Variants in ANKRD36C observed in about 807,000 individuals in gnomAD.
The protein encoded by ANKRD36C is ankyrin repeat domain 36C.
A neutral mutation model predicts 276.4 loss-of-function variants in ANKRD36C; 61 were observed. The observed-to-expected ratio is 0.22, with a 90% CI of 0.18 to 0.27. The LOEUF is 0.27. Ranked by LOEUF, ANKRD36C falls within the 10% of genes least tolerant of loss-of-function variation. The probability of loss-of-function intolerance (pLI) is 1.00; values close to 1 mark genes in which losing one functional copy is unlikely to be tolerated. For missense variants in ANKRD36C, 1,447 were observed against 2,032.3 expected, an observed-to-expected ratio of 0.71 and a Z score of 5.54; for synonymous variants, 483 against 680.1, an observed-to-expected ratio of 0.71 and a Z score of 4.51.
chr2:95,964,395 G>A (rs1211556441), intron 6 of ANKRD36C, among the ~76,000 whole-genome samples: 1 of 151,712 alleles, frequency 6.6e-6, no homozygotes, highest in African/African-American at 2.4e-5. Context: ...TGCTTTCTTT[G>A]TTCTGCCCAA....
At chr2:95,902,842 T>C (rs1676695872) in intron 42 of ANKRD36C, 44 bp downstream of exon 54, 8 of 1,519,652 alleles carry the variant, frequency 5.3e-6, no homozygotes, top group Non-Finnish European at 7.1e-6. Flanking sequence ...GAATTTCTTA[T>C]CTATCTGGAC....
At chr2:95,948,180 G>A in intron 17 of ANKRD36C, among the ~76,000 whole-genome samples, 1 of 152,140 alleles carries the variant, frequency 6.6e-6, no homozygotes, top group East Asian at 1.9e-4. Context: ...ATACTCATAT[G>A]ATATACAACT....
chr2:95,973,637 G>A (rs1283446253), intron 6 of ANKRD36C, among the ~76,000 whole-genome samples: 10 of 150,816 alleles, frequency 6.6e-5, no homozygotes, highest in Non-Finnish European at 8.9e-5. Flanking sequence ...AGAACAGGTC[G>A]AAAAGTCAAA....
chr2:95,975,045 GTCTA>G (rs1678779870), intron 6 of ANKRD36C, among the ~76,000 whole-genome samples: 1 of 151,808 alleles, frequency 6.6e-6, no homozygotes, highest in South Asian at 2.1e-4. Flanking sequence ...TCTTAATCCA[GTCTA>G]TCAGTGTTGG....
intron 59 of ANKRD36C, among the ~76,000 whole-genome samples, chr2:95,868,375 C>T (rs1675726466): frequency 1.3e-5 from 2 of 151,562 alleles, no homozygotes; most frequent in South Asian, 4.2e-4. Context: ...TAAATTGAGG[C>T]ATATGTCCGA....
intron 60 of ANKRD36C, among the ~76,000 whole-genome samples, chr2:95,860,904 G>A (rs567007976): frequency 2.5e-3 from 379 of 152,192 alleles, no homozygotes; most frequent in African/African-American, 8.8e-3. Flanking sequence ...AATGAAAAGT[G>A]CTTGTGTGCT....
At position 95,925,360 on chromosome 2, in the gene ANKRD36C, G is replaced by T. The variant is rs756106065; in HGVS notation, c.2033C>A (p.Ser678Tyr). ...GTGTATTGCCAAATTACCTGTTCCA[G>T]ATTTCCCACCGCCCGTTATTCTTGT... Residue 678 changes from serine to tyrosine, a missense_variant, in exon 30 of 67, where the codon TCT becomes TAT. By Grantham distance (144) the Ser-to-Tyr change is moderately radical. Coordinates refer to ENST00000456556, the Ensembl canonical transcript of ANKRD36C. 65 of 1,578,656 alleles carry T rather than the reference G, an allele frequency of 4.1e-5. 3 individuals carry two copies. The South Asian group carries it at 7.4e-4, about 18-fold the overall frequency.
intron 4 of ANKRD36C, 116 bp downstream of exon 4, chr2:95,982,140 C>A (rs1192610817): frequency 2.6e-6 from 2 of 760,936 alleles, no homozygotes; most frequent in Non-Finnish European, 4.2e-6. Flanking sequence ...TCACTATATC[C>A]CAATAATTAA....
At chr2:95,937,332 A>G (rs1677746246) in intron 22 of ANKRD36C, among the ~76,000 whole-genome samples, 1 of 152,308 alleles carries the variant, frequency 6.6e-6, no homozygotes. Context: ...GAAAAATGAG[A>G]GCATTAAGTG....
At chr2:95,946,921 G>C (rs1370270999) in intron 17 of ANKRD36C, among the ~76,000 whole-genome samples, 1 of 151,842 alleles carries the variant, frequency 6.6e-6, no homozygotes, top group Non-Finnish European at 1.5e-5. Context: ...GGTGGGGGTA[G>C]GGGGGAGGGA....
At chr2:95,897,291 G>C in intron 44 of ANKRD36C, 8 of 1,455,876 alleles carry the variant, frequency 5.5e-6, no homozygotes, top group East Asian at 2.5e-5. Context: ...TTTTCTCCAT[G>C]CTTTTTTCCT....
In ANKRD36C at chr2:95,892,522, C is replaced by A. The variant is rs564747062; in HGVS notation, c.2756-662G>T. Among the ~76,000 whole-genome samples, 186 of 151,560 alleles carry A rather than the reference C, an allele frequency of 1.2e-3. 1 individual carries two copies. The highest frequency in any genetic ancestry group is 3.6e-3 in the African/African-American group (151 of 41,416). ...AAAGTTTCTTCATCCAGTCGTGGCA[C>A]CAAAGGACAATATATTAGCCTCAAT... On this transcript the variant is annotated intron_variant, in intron 44 of 66. Transcript: ENST00000456556.
intron 61 of ANKRD36C, among the ~76,000 whole-genome samples, chr2:95,858,764 A>C (rs1161961837): frequency 6.6e-6 from 1 of 152,176 alleles, no homozygotes; most frequent in Non-Finnish European, 1.5e-5. Flanking sequence ...TAAGAATGTA[A>C]TATGTTACCC....
rs3927326 is a variant in ANKRD36C at position 95,906,453 on chromosome 2, T to G, written c.2653+5791A>C. On this transcript the variant is annotated intron_variant, in intron 42 of 66. Transcript: ENST00000456556. Reference sequence around the variant, plus strand: ...TGTGGGGATGTGTATAATCTTACAGTGAAGATCATGTTCCAGACCAGCAGC... The same window carrying G: ...TGTGGGGATGTGTATAATCTTACAGGGAAGATCATGTTCCAGACCAGCAGC... Among the ~76,000 whole-genome samples, 4 of 115,610 alleles carry G rather than the reference T, an allele frequency of 3.5e-5. 1 individual carries two copies. Among genetic ancestry groups the G allele is most frequent in the Non-Finnish European group, 5.6e-5 (3 of 53,342 alleles). The allele number at this position is 115,610 out of a possible 152,430, so 75.8% of individuals were successfully genotyped here.
At chr2:95,926,831 G>A (rs1466181036) in intron 28 of ANKRD36C, among the ~76,000 whole-genome samples, 1 of 151,446 alleles carries the variant, frequency 6.6e-6, no homozygotes, top group East Asian at 1.9e-4. Context: ...AGTGTTTATG[G>A]GCTATTACCA....
intron 32 of ANKRD36C, among the ~76,000 whole-genome samples, 191 bp downstream of exon 32, chr2:95,923,304 A>T (rs1677320910): frequency 6.6e-6 from 1 of 151,536 alleles, no homozygotes; most frequent in African/African-American, 2.4e-5. Context: ...GAAGTCTATA[A>T]TCTTACCGCG....
chr2:95,853,985 T>A, intron 63 of ANKRD36C, 124 bp from the exon 84 acceptor site: 1 of 1,063,810 alleles, frequency 9.4e-7, no homozygotes, highest in South Asian at 1.7e-5. Context: ...CACCTTCTTT[T>A]CCTCATGTGT....
At chr2:95,916,036 T>C (rs1677085360) in exon 38 of ANKRD36C, 1 of 1,577,022 alleles carries the variant, frequency 6.3e-7, no homozygotes, top group African/African-American at 1.4e-5. Flanking sequence ...AAAAGAATCT[T>C]TCTCATCACT....
rs556228672 is a variant in ANKRD36C, at chr2:95,914,451, C to G, written c.2450-148G>C. On this transcript the variant is annotated intron_variant, in intron 38 of 66. Coordinates refer to ENST00000456556, the Ensembl canonical transcript of ANKRD36C. ...TCTACTTTGTGTCTGGGGACTAGAA[C>G]ATGATAGAAATACGCTGAGAAACGG... 4 of 1,083,378 alleles carry G rather than the reference C, an allele frequency of 3.7e-6. No homozygotes were observed. The South Asian group carries it at 4.3e-5, about 12-fold the overall frequency. 67.1% of individuals were successfully genotyped at this position (1,083,378 alleles called of 1,614,324 possible). A position where few individuals can be genotyped will look rare whatever the true frequency, so the allele number is the denominator to read the frequency against.
Sources: gnomAD v4.1 joint callset for allele counts (sites outside exome capture counted in the v4.1 genomes callset) on GRCh38, gnomAD v4.1.1 for gene constraint, MANE v1.5 for transcripts, NCBI Gene and HGNC (gene_info 2026-07-23, HGNC 2026-07-21) for gene names.